Variants in CNTN4 observed in about 807,000 individuals in gnomAD.
CNTN4 encodes the protein contactin 4, also known as contactin-4.
CNTN4 carries 77 observed loss-of-function variants against 122.5 expected under a neutral mutation model. The observed-to-expected ratio is 0.63, with a 90% CI of 0.52 to 0.76. The LOEUF is 0.76. Ranked by LOEUF, CNTN4 falls within the 30% of genes least tolerant of loss-of-function variation. CNTN4 has a pLI of 0.00. For synonymous variants in CNTN4, 512 were observed against 447.0 expected, an observed-to-expected ratio of 1.15 and a Z score of -1.83; for missense variants, 1,256 against 1,259.1, an observed-to-expected ratio of 1.00 and a Z score of 0.04.
At chr3:2,158,309 A>G (rs1253816202) in intron 2 of CNTN4, among the ~76,000 whole-genome samples, 1 of 152,244 alleles carries the variant, frequency 6.6e-6, no homozygotes, top group Non-Finnish European at 1.5e-5. Context: ...TTATTTGTCC[A>G]TCATTATTTC....
intron 7 of CNTN4, among the ~76,000 whole-genome samples, chr3:2,839,819 G>A (rs1349808379): frequency 6.6e-6 from 1 of 152,206 alleles, no homozygotes; most frequent in Non-Finnish European, 1.5e-5. Flanking sequence ...ACCGAGCACA[G>A]TGTATGCCCG....
intron 6 of CNTN4, among the ~76,000 whole-genome samples, chr3:2,805,021 A>C (rs915781006): frequency 9.6e-5 from 13 of 135,662 alleles, no homozygotes; most frequent in African/African-American, 5.0e-4. Flanking sequence ...CTAAAAATAC[A>C]AAAAAATTTG....
At chr3:2,842,034 T>G (rs1050266807) in intron 7 of CNTN4, among the ~76,000 whole-genome samples, 2 of 152,190 alleles carry the variant, frequency 1.3e-5, no homozygotes, top group East Asian at 3.9e-4. Flanking sequence ...GAGAAAATAT[T>G]GAGCCTTCAT....
chr3:2,728,484 A>G (rs544543517), intron 4 of CNTN4, among the ~76,000 whole-genome samples: 1 of 152,310 alleles, frequency 6.6e-6, no homozygotes, highest in African/African-American at 2.4e-5. Context: ...TATGAGCAGG[A>G]CACTGAGAGC....
intron 2 of CNTN4, among the ~76,000 whole-genome samples, chr3:2,229,544 ATTT>A (rs1244636936): frequency 6.6e-6 from 1 of 152,212 alleles, no homozygotes; most frequent in Non-Finnish European, 1.5e-5. Context: ...TTACGTAAGT[ATTT>A]GAAAATATCT....
At chr3:2,763,659 T>C (rs1014157363) in intron 6 of CNTN4, among the ~76,000 whole-genome samples, 2 of 152,164 alleles carry the variant, frequency 1.3e-5, no homozygotes, top group African/African-American at 4.8e-5. Flanking sequence ...AATTTTTGTG[T>C]ATGGTATAAG....
chr3:2,825,225 A>G (rs2092961946), intron 7 of CNTN4, among the ~76,000 whole-genome samples: 2 of 151,570 alleles, frequency 1.3e-5, no homozygotes, highest in African/African-American at 4.8e-5. Context: ...AAAATAATTT[A>G]TTTTATTTTA....
At chr3:2,153,358 G>A (rs1022461599) in intron 2 of CNTN4, among the ~76,000 whole-genome samples, 7 of 152,170 alleles carry the variant, frequency 4.6e-5, no homozygotes, top group African/African-American at 1.7e-4. Flanking sequence ...AAATGAAATG[G>A]ATGAAAACAA....
At chr3:2,574,662 A>G (rs1307548472) in intron 4 of CNTN4, among the ~76,000 whole-genome samples, 2 of 152,162 alleles carry the variant, frequency 1.3e-5, no homozygotes, top group African/African-American at 4.8e-5. Context: ...ACTCAAGATC[A>G]TAAAACCCTG....
At chr3:2,975,633 A>C (rs1440497140) in intron 13 of CNTN4, among the ~76,000 whole-genome samples, 1 of 152,126 alleles carries the variant, frequency 6.6e-6, no homozygotes, top group Non-Finnish European at 1.5e-5. Context: ...ATTTCTGTCC[A>C]CGTCTTCTTT....
chr3:2,527,058 T>C (rs571972784), intron 3 of CNTN4, among the ~76,000 whole-genome samples: 43 of 152,310 alleles, frequency 2.8e-4, no homozygotes, highest in Admixed American at 9.8e-4. Context: ...TTAAGCCTTG[T>C]TCCTGTCCTG....
At chr3:2,965,308 TG>T (rs1476559627) in intron 13 of CNTN4, among the ~76,000 whole-genome samples, 1 of 152,208 alleles carries the variant, frequency 6.6e-6, no homozygotes, top group African/African-American at 2.4e-5. Context: ...GTGCTCCTCC[TG>T]GCCACTGCTG....
chr3:2,188,092 A>G (rs1161198453), intron 2 of CNTN4, among the ~76,000 whole-genome samples: 1 of 151,918 alleles, frequency 6.6e-6, no homozygotes, highest in African/African-American at 2.4e-5. Flanking sequence ...GAGCCCCTTG[A>G]TTGGTTACCT....
intron 4 of CNTN4, among the ~76,000 whole-genome samples, chr3:2,687,565 G>T (rs933207271): frequency 6.6e-6 from 1 of 152,110 alleles, no homozygotes; most frequent in Non-Finnish European, 1.5e-5. Context: ...TGGGAAGATT[G>T]CTTGTCCTCA....
chr3:3,057,292 G>T lies in CNTN4; in HGVS notation c.*1072G>T, dbSNP rs954054495. Reference sequence around the variant, plus strand: ...AAGATTGCTCCTATTTCAACAAATAGTTGCTGCAAGAATTTTTAATATGAC... The same window carrying T: ...AAGATTGCTCCTATTTCAACAAATATTTGCTGCAAGAATTTTTAATATGAC... On this transcript the variant is annotated 3_prime_UTR_variant, in exon 25 of 25. Transcript: ENST00000418658. 2.6e-5 allele frequency: 4 copies of T among 152,572 alleles called. No homozygotes were observed. Among genetic ancestry groups the T allele is most frequent in the African/African-American group, 7.2e-5 (3 of 41,446 alleles). The allele number at this position is 152,572 out of a possible 1,614,324, so 9.5% of individuals were successfully genotyped here. A position where few individuals can be genotyped will look rare whatever the true frequency, so the allele number is the denominator to read the frequency against.
At chr3:2,852,591 A>T (rs888817520) in intron 7 of CNTN4, among the ~76,000 whole-genome samples, 5 of 152,140 alleles carry the variant, frequency 3.3e-5, no homozygotes, top group Non-Finnish European at 5.9e-5. Context: ...ATTGCACGTG[A>T]TCCCCCAACC....
chr3:2,417,914 T>G (rs2047475321), intron 3 of CNTN4, among the ~76,000 whole-genome samples: 1 of 152,168 alleles, frequency 6.6e-6, no homozygotes, highest in African/African-American at 2.4e-5. Context: ...ATTCCAACTA[T>G]ATGACATTCT....
chr3:2,782,295 G>T lies in CNTN4; in HGVS notation c.358+36598G>T, dbSNP rs192482505. Reference sequence around the variant, plus strand: ...GGAAGTCCATTTAGATGGTAGGTGGGGGGGGGCCTTAGAATTTTATTTGTG... The same window carrying T: ...GGAAGTCCATTTAGATGGTAGGTGGTGGGGGGCCTTAGAATTTTATTTGTG... On this transcript the variant is annotated intron_variant, in intron 6 of 24. Coordinates refer to ENST00000418658, the MANE Select transcript of CNTN4 (RefSeq NM_175607.3). 6.6e-5 allele frequency among the ~76,000 whole-genome samples: 10 copies of T among 151,982 alleles called. No individual in the cohort carries two copies. In the East Asian group the frequency reaches 1.2e-3, roughly 18 times the overall value.
At chr3:2,576,126 C>T (rs552371891) in intron 4 of CNTN4, among the ~76,000 whole-genome samples, 11 of 152,274 alleles carry the variant, frequency 7.2e-5, no homozygotes, top group Admixed American at 3.3e-4. Flanking sequence ...TGAGCCACCA[C>T]GCCCAGCCGC....
Sources: allele counts gnomAD v4.1 joint callset (sites outside exome capture counted in the v4.1 genomes callset), GRCh38; gene constraint gnomAD v4.1.1; transcripts MANE v1.5; gene names NCBI Gene and HGNC (gene_info 2026-07-23, HGNC 2026-07-21).